BRINP2: variants seen among roughly 807,000 people sequenced by gnomAD.
BRINP2 encodes the protein BMP/retinoic acid-inducible neural-specific protein 2.
In BRINP2, 21 loss-of-function variants were observed where a neutral mutation model predicts 69.2. That is an observed-to-expected ratio of 0.30 (90% CI 0.22 to 0.44). The LOEUF (loss-of-function observed/expected upper bound fraction) is 0.44. Ranked by LOEUF, BRINP2 falls within the 20% of genes least tolerant of loss-of-function variation. The pLI is 1.00. For missense variants in BRINP2, 877 were observed against 986.0 expected, an observed-to-expected ratio of 0.89 and a Z score of 1.48; for synonymous variants, 380 against 394.1, an observed-to-expected ratio of 0.96 and a Z score of 0.42.
chr1:177,226,337 G>T (rs951953675), intron 1 of BRINP2, among the ~76,000 whole-genome samples: 4 of 152,170 alleles, frequency 2.6e-5, no homozygotes, highest in Admixed American at 2.6e-4. Context: ...ACCTTAAGGG[G>T]TCCATAAACT....
chr1:177,213,981 C>T (rs1649300862), intron 1 of BRINP2, among the ~76,000 whole-genome samples: 1 of 152,172 alleles, frequency 6.6e-6, no homozygotes, highest in Non-Finnish European at 1.5e-5. Context: ...AGGAAGTCAG[C>T]AGCAGTCTGA....
At chr1:177,176,575 G>A (rs1648094265) in intron 1 of BRINP2, among the ~76,000 whole-genome samples, 1 of 150,002 alleles carries the variant, frequency 6.7e-6, no homozygotes, top group Non-Finnish European at 1.5e-5. Flanking sequence ...GTTAACAAAG[G>A]CCCTGCAAAG....
intron 1 of BRINP2, among the ~76,000 whole-genome samples, chr1:177,182,191 C>T (rs1358458679): frequency 6.7e-6 from 1 of 148,854 alleles, no homozygotes; most frequent in Non-Finnish European, 1.5e-5. Flanking sequence ...CCTCACTCAG[C>T]CCCTGCAGCA....
chr1:177,267,937 G>A (rs1651179280), intron 4 of BRINP2, among the ~76,000 whole-genome samples: 1 of 152,226 alleles, frequency 6.6e-6, no homozygotes, highest in Non-Finnish European at 1.5e-5. Context: ...TGGGCTGACT[G>A]ATCTGGGATT....
At position 177,281,647 on chromosome 1, in the gene BRINP2, G is replaced by A; in HGVS notation, c.*119G>A. On this transcript the variant is annotated 3_prime_UTR_variant, in exon 8 of 8. Coordinates refer to ENST00000361539, the MANE Select transcript of BRINP2 (RefSeq NM_021165.4). ...GCTCCCACGAGACTTTCAGCATCCA[G>A]TAGATGGGACCTCGAGGCTCGAGCT... 1 of 1,358,558 alleles carries A rather than the reference G, an allele frequency of 7.4e-7. No individual in the cohort carries two copies. The highest frequency in any genetic ancestry group is 9.9e-7 in the Non-Finnish European group (1 of 1,007,076). 84.2% of individuals were successfully genotyped at this position (1,358,558 alleles called of 1,614,324 possible).
At chr1:177,177,238 G>T (rs531202822) in intron 1 of BRINP2, among the ~76,000 whole-genome samples, 2 of 151,778 alleles carry the variant, frequency 1.3e-5, no homozygotes, top group Non-Finnish European at 2.9e-5. Context: ...CCAAGATTGC[G>T]CCACTGCACT....
intron 4 of BRINP2, among the ~76,000 whole-genome samples, chr1:177,258,770 A>C (rs894487224): frequency 6.6e-6 from 1 of 152,138 alleles, no homozygotes; most frequent in African/African-American, 2.4e-5. Flanking sequence ...TGTCACTTTT[A>C]TAATTGTTTT....
chr1:177,274,436 A>C (rs1266475834), intron 5 of BRINP2, among the ~76,000 whole-genome samples: 2 of 152,224 alleles, frequency 1.3e-5, no homozygotes, highest in African/African-American at 4.8e-5. Flanking sequence ...AGGCAACCTG[A>C]GTCAAATGCG....
chr1:177,276,957 G>A (rs1438926446), intron 6 of BRINP2, among the ~76,000 whole-genome samples: 1 of 149,932 alleles, frequency 6.7e-6, no homozygotes, highest in African/African-American at 2.5e-5. Flanking sequence ...AGCTTCTCAA[G>A]GTCTCGAGTT....
chr1:177,190,145 T>C (rs1314295027), intron 1 of BRINP2, among the ~76,000 whole-genome samples: 1 of 152,210 alleles, frequency 6.6e-6, no homozygotes, highest in Non-Finnish European at 1.5e-5. Flanking sequence ...GATAGGCACG[T>C]TGCCTTCAGA....
At chr1:177,235,955 T>C (rs1027465663) in intron 2 of BRINP2, among the ~76,000 whole-genome samples, 1 of 152,260 alleles carries the variant, frequency 6.6e-6, no homozygotes, top group African/African-American at 2.4e-5. Flanking sequence ...GTTTTGACCA[T>C]GAGGGAGTTT....
At chr1:177,214,606 G>A (rs917719638) in intron 1 of BRINP2, among the ~76,000 whole-genome samples, 1 of 152,172 alleles carries the variant, frequency 6.6e-6, no homozygotes, top group African/African-American at 2.4e-5. Flanking sequence ...CCAGGAGTGG[G>A]GATTTCCGTG....
chr1:177,259,781 T>C (rs1650887633), intron 4 of BRINP2, among the ~76,000 whole-genome samples: 2 of 152,326 alleles, frequency 1.3e-5, no homozygotes, highest in East Asian at 3.9e-4. Flanking sequence ...ATGAACTATC[T>C]TAAGCCCATT....
At chr1:177,227,787 C>G (rs192082220) in intron 1 of BRINP2, among the ~76,000 whole-genome samples, 1 of 152,138 alleles carries the variant, frequency 6.6e-6, no homozygotes. Flanking sequence ...TTTTCATATA[C>G]TAAGTTCTAA....
intron 1 of BRINP2, among the ~76,000 whole-genome samples, chr1:177,224,347 T>C (rs1649631025): frequency 2.0e-5 from 3 of 152,246 alleles, no homozygotes; most frequent in African/African-American, 7.2e-5. Context: ...AAATTCCTGC[T>C]TTATACCCTG....
chr1:177,281,134 T>C lies in BRINP2; in HGVS notation c.1958T>C (p.Leu653Pro), dbSNP rs1651685063. 1 of 1,614,218 alleles carries C rather than the reference T, an allele frequency of 6.2e-7. No homozygotes were observed. ...HVYLRSRIKSLDDSSNETIYY... is the reference protein window; with the variant it reads ...HVYLRSRIKSPDDSSNETIYY... Reference sequence around the variant, plus strand: ...TACCTACGGAGCCGAATCAAGTCCCTGGATGACAGCTCCAATGAGACAATC... The same window carrying C: ...TACCTACGGAGCCGAATCAAGTCCCCGGATGACAGCTCCAATGAGACAATC... The change falls in exon 8 of 8, where the codon CTG (leucine) becomes CCG (proline). Residue 653 changes from leucine to proline, a missense_variant. Physicochemically the swap from Leu to Pro is moderately conservative, Grantham distance 98. This residue lies in a region of BRINP2 where 225 missense variants were observed against 218.7 expected (regional missense o/e 1.03). Transcript: ENST00000361539.
intron 1 of BRINP2, among the ~76,000 whole-genome samples, chr1:177,218,005 C>A (rs1010949707): frequency 3.9e-5 from 6 of 152,168 alleles, no homozygotes; most frequent in African/African-American, 1.4e-4. Flanking sequence ...CTGCTATGGT[C>A]AGTAGAAATG....
Position 177,281,707 on chromosome 1 carries a change from T to TGCGC in BRINP2, c.*182_*185dup, listed in dbSNP as rs1651709021. 5.8e-6 allele frequency: 4 copies of TGCGC among 692,756 alleles called. No homozygotes were observed. Among genetic ancestry groups the TGCGC allele is most frequent in the Admixed American group, 3.1e-5 (1 of 32,632 alleles). 42.9% of individuals were successfully genotyped at this position (692,756 alleles called of 1,614,324 possible). A position where few individuals can be genotyped will look rare whatever the true frequency, so the allele number is the denominator to read the frequency against. On this transcript the variant is annotated 3_prime_UTR_variant, in exon 8 of 8. Coordinates refer to ENST00000361539, the MANE Select transcript of BRINP2 (RefSeq NM_021165.4). ...GAGAGAGAAACAGCTACTGCGTGCG[T>TGCGC]GCGCGCACGCATACACACACACACA...
At chr1:177,275,034 A>G (rs1351659365) in intron 5 of BRINP2, 5 of 441,012 alleles carry the variant, frequency 1.1e-5, no homozygotes, top group Admixed American at 2.4e-5. Context: ...AGGAAAGAGG[A>G]GCTCACCATA....
Sources: gnomAD v4.1 joint callset for allele counts (sites outside exome capture counted in the v4.1 genomes callset) on GRCh38, gnomAD v4.1.1 for gene constraint, gnomAD v4.1.1 regional missense constraint, MANE v1.5 for transcripts, NCBI Gene and HGNC (gene_info 2026-07-23, HGNC 2026-07-21) for gene names.